CNNM2: variants seen among roughly 807,000 people sequenced by gnomAD.
CNNM2 encodes the protein cyclin and CBS domain divalent metal cation transport mediator 2.
In CNNM2, 12 loss-of-function variants were observed where a neutral mutation model predicts 66.9. The ratio of observed to expected loss-of-function variants is 0.18; its 90% CI spans 0.11 to 0.29. CNNM2 has a LOEUF of 0.29. CNNM2 is among the 10% of genes least tolerant of loss of function. The pLI is 1.00. For synonymous variants in CNNM2, 557 were observed against 501.8 expected, an observed-to-expected ratio of 1.11 and a Z score of -1.47; for missense variants, 705 against 1,167.7, an observed-to-expected ratio of 0.60 and a Z score of 5.77.
intron 1 of CNNM2, among the ~76,000 whole-genome samples, chr10:102,966,901 T>C (rs993042675): frequency 6.6e-6 from 1 of 151,804 alleles, no homozygotes; most frequent in African/African-American, 2.4e-5. Context: ...ATAAATGAAG[T>C]TTCTAGGAGG....
intron 1 of CNNM2, among the ~76,000 whole-genome samples, chr10:103,002,401 T>G (rs1478246597): frequency 6.6e-6 from 1 of 151,794 alleles, no homozygotes; most frequent in Non-Finnish European, 1.5e-5. Flanking sequence ...AGACAGCACT[T>G]TGTACTCACT....
chr10:102,957,171 G>A (rs912151819), intron 1 of CNNM2, among the ~76,000 whole-genome samples: 4 of 152,154 alleles, frequency 2.6e-5, no homozygotes, highest in African/African-American at 9.7e-5. Flanking sequence ...CAGGCATGGT[G>A]GCAGGTGCCT....
chr10:102,985,723 G>A (rs1218967436), intron 1 of CNNM2, among the ~76,000 whole-genome samples: 3 of 152,216 alleles, frequency 2.0e-5, no homozygotes, highest in African/African-American at 7.2e-5. Context: ...TACATGACCA[G>A]CTCAGATTGA....
intron 2 of CNNM2, among the ~76,000 whole-genome samples, chr10:103,050,071 A>T (rs548412475): frequency 6.6e-6 from 1 of 152,228 alleles, no homozygotes; most frequent in Non-Finnish European, 1.5e-5. Context: ...AGCTGCTTCT[A>T]ACCACTGATG....
In CNNM2 at chr10:103,079,490, C is replaced by T. The variant is rs1219649644; in HGVS notation, c.*2310C>T. 1 of 152,246 alleles carries T rather than the reference C, an allele frequency of 6.6e-6. No individual in the cohort carries two copies. The highest frequency in any genetic ancestry group is 1.5e-5 in the Non-Finnish European group (1 of 68,066). The allele number at this position is 152,246 out of a possible 1,614,324, so 9.4% of individuals were successfully genotyped here. On this transcript the variant is annotated 3_prime_UTR_variant, in exon 8 of 8. Transcript: ENST00000369878. ...AGAGCTAGTGTGTTGGTGCCCTTTT[C>T]AGAGCTCTGCTGTTCCTTTATAAAT...
chr10:102,935,914 G>A (rs1846223472), intron 1 of CNNM2, among the ~76,000 whole-genome samples: 1 of 151,192 alleles, frequency 6.6e-6, no homozygotes, highest in African/African-American at 2.4e-5. Flanking sequence ...TGCCACGCCC[G>A]GCCTAGCACT....
intron 1 of CNNM2, among the ~76,000 whole-genome samples, chr10:103,044,682 G>C (rs998330948): frequency 6.6e-6 from 1 of 152,242 alleles, no homozygotes; most frequent in Non-Finnish European, 1.5e-5. Flanking sequence ...GTGAAGGAGA[G>C]AGGTGTCATT....
At chr10:102,920,839 G>C (rs527788652) in intron 1 of CNNM2, among the ~76,000 whole-genome samples, 6 of 152,172 alleles carry the variant, frequency 3.9e-5, no homozygotes, top group African/African-American at 1.4e-4. Flanking sequence ...TGTATGTCCC[G>C]TAGCCTTCTT....
chr10:103,019,858 A>G (rs553475620), intron 1 of CNNM2, among the ~76,000 whole-genome samples: 9 of 152,344 alleles, frequency 5.9e-5, no homozygotes, highest in African/African-American at 2.2e-4. Flanking sequence ...GAGACTTTCA[A>G]GACTTAAGTG....
At chr10:102,971,948 ATT>A (rs2063553066) in intron 1 of CNNM2, among the ~76,000 whole-genome samples, 1 of 151,792 alleles carries the variant, frequency 6.6e-6, no homozygotes, top group Admixed American at 6.6e-5. Context: ...TCTATTGCTT[ATT>A]TTTCTTTGGG....
chr10:102,961,851 A>G (rs1178641720), intron 1 of CNNM2, among the ~76,000 whole-genome samples: 1 of 152,108 alleles, frequency 6.6e-6, no homozygotes, highest in Admixed American at 6.6e-5. Flanking sequence ...ACATGAGCCC[A>G]GAAGTTTGAG....
intron 4 of CNNM2, among the ~76,000 whole-genome samples, chr10:103,062,024 C>T (rs2065395019): frequency 6.6e-6 from 1 of 152,194 alleles, no homozygotes; most frequent in South Asian, 2.1e-4. Flanking sequence ...AAACTGGTAG[C>T]CTCCCATCTA....
chr10:103,061,007 A>G (rs1445151840), intron 4 of CNNM2, among the ~76,000 whole-genome samples: 1 of 152,224 alleles, frequency 6.6e-6, no homozygotes, highest in East Asian at 1.9e-4. Context: ...GTTTTAAGAA[A>G]TCTTATTCCT....
At chr10:102,931,558 T>C (rs1034284540) in intron 1 of CNNM2, among the ~76,000 whole-genome samples, 1 of 152,102 alleles carries the variant, frequency 6.6e-6, no homozygotes, top group Non-Finnish European at 1.5e-5. Context: ...GGTTTCTCCA[T>C]GTTGGTCAGG....
At position 103,081,820 on chromosome 10, in the gene CNNM2, G is replaced by A. The variant is rs1192335376; in HGVS notation, c.*4640G>A. On this transcript the variant is annotated 3_prime_UTR_variant, in exon 8 of 8. Transcript: ENST00000369878. ...TGGTCAACCCTACGGATGCGAAGAA[G>A]AGATGGCAGTTCACAGCAACTGCAT... The A allele has an allele frequency of 2.0e-5, 3 of 152,224 alleles. No homozygotes were observed. Among genetic ancestry groups the A allele is most frequent in the Non-Finnish European group, 4.4e-5 (3 of 68,046 alleles). 9.4% of individuals were successfully genotyped at this position (152,224 alleles called of 1,614,324 possible). A position where few individuals can be genotyped will look rare whatever the true frequency, so the allele number is the denominator to read the frequency against.
chr10:103,074,810 G>T (rs548059382), intron 6 of CNNM2, among the ~76,000 whole-genome samples: 5 of 152,274 alleles, frequency 3.3e-5, no homozygotes, highest in Non-Finnish European at 7.3e-5. Flanking sequence ...TTCCAGCCTG[G>T]GTGATAAAGC....
At chr10:102,991,656 G>A (rs917075236) in intron 1 of CNNM2, among the ~76,000 whole-genome samples, 2 of 152,132 alleles carry the variant, frequency 1.3e-5, no homozygotes, top group African/African-American at 2.4e-5. Context: ...CTCTGAACTA[G>A]CATAAGATCT....
In CNNM2 at chr10:103,089,001, A is replaced by AAT. The variant is rs1199434588; in HGVS notation, c.*11823_*11824dup. ...AGAAGGAGGTTGTTTTTGGATAACA[A>AAT]ATAAGCATTTGTGCTATTAAACAAA... On this transcript the variant is annotated 3_prime_UTR_variant, in exon 8 of 8. Coordinates refer to ENST00000369878, the MANE Select transcript of CNNM2 (RefSeq NM_017649.5). 8 of 211,024 alleles carry AAT rather than the reference A, an allele frequency of 3.8e-5. No homozygotes were observed. The highest frequency in any genetic ancestry group is 3.0e-3 in the Middle Eastern group (2 of 664). The allele number at this position is 211,024 out of a possible 1,614,324, so 13.1% of individuals were successfully genotyped here.
chr10:103,031,230 C>T (rs1218564574), intron 1 of CNNM2, among the ~76,000 whole-genome samples: 2 of 152,148 alleles, frequency 1.3e-5, no homozygotes, highest in Admixed American at 6.5e-5. Context: ...TTTGAAAAAT[C>T]GGAAAGTTTA....
Sources: gnomAD v4.1 joint callset for allele counts (sites outside exome capture counted in the v4.1 genomes callset) on GRCh38, gnomAD v4.1.1 for gene constraint, MANE v1.5 for transcripts, NCBI Gene and HGNC (gene_info 2026-07-23, HGNC 2026-07-21) for gene names.